The following ZNF718 variants were observed in gnomAD, a reference collection of about 807,000 sequenced individuals.
ZNF718 encodes zinc finger protein 718.
In ZNF718, 3 loss-of-function variants were observed where a neutral mutation model predicts 2.6. That is an observed-to-expected ratio of 1.16 (90% CI 0.53 to 3.01). The LOEUF is 3.01. Ranked by LOEUF, ZNF718 falls within the 30% of genes most tolerant of loss-of-function variation. The pLI, the probability that ZNF718 is intolerant of heterozygous loss-of-function variation, is 0.03. For missense variants in ZNF718, 468 were observed against 230.0 expected (o/e 2.03, Z -6.69); for synonymous variants, 135 against 77.9 (o/e 1.73, Z -3.86).
chr4:148,498 A>G (rs1464343535), intron 3 of ZNF718, among the ~76,000 whole-genome samples: 1 of 151,436 alleles, frequency 6.6e-6, no homozygotes, highest in African/African-American at 2.4e-5. Flanking sequence ...AATCCCGCTT[A>G]CTCAGGAGAC....
At chr4:189,863 AAGTTGTCACT>A (rs1474448304) in intron 3 of ZNF718, among the ~76,000 whole-genome samples, 1 of 152,148 alleles carries the variant, frequency 6.6e-6, no homozygotes, top group Non-Finnish European at 1.5e-5. Flanking sequence ...GCATCTATTT[AAGTTGTCACT>A]TTTTTCTATT....
chr4:162,050 A>C lies in ZNF718; in HGVS notation c.1365A>C (p.Glu455Asp), dbSNP rs782795632. 3.9e-6 allele frequency: 3 copies of C among 777,030 alleles called. No individual in the cohort carries two copies. Among genetic ancestry groups the C allele is most frequent in the Non-Finnish European group, 7.2e-6 (3 of 416,016 alleles). 48.1% of individuals were successfully genotyped at this position (777,030 alleles called of 1,614,324 possible). Residue 455 changes from glutamate (E) to aspartate (D), a missense_variant, in exon 4 of 4, where the codon GAA (glutamate) becomes GAC (aspartate). By Grantham distance (45) the Glu-to-Asp change is conservative. Transcript: ENST00000510175. ...HTVDKPYKCK[E>D]CGKAFKQYSN... ...TAGATAAACCCTACAAATGTAAAGA[A>C]TGCGGGAAAGCTTTTAAGCAGTACT...
intron 3 of ZNF718, among the ~76,000 whole-genome samples, chr4:184,479 T>G (rs1374486271): frequency 6.6e-6 from 1 of 152,128 alleles, no homozygotes; most frequent in Non-Finnish European, 1.5e-5. Context: ...CTTTTTTTGT[T>G]GTTGTATCTC....
chr4:182,555 T>C (rs1717489572), intron 3 of ZNF718, among the ~76,000 whole-genome samples: 1 of 152,058 alleles, frequency 6.6e-6, no homozygotes, highest in South Asian at 2.1e-4. Flanking sequence ...TGCCTTAGCC[T>C]TCTGAGTAGC....
chr4:176,852 T>A (rs1427166707), intron 3 of ZNF718, among the ~76,000 whole-genome samples: 4 of 152,226 alleles, frequency 2.6e-5, no homozygotes, highest in Admixed American at 2.6e-4. Flanking sequence ...GCAACTTTAG[T>A]GGCAGAATAT....
chr4:181,158 C>CCTTT (rs782776050), intron 3 of ZNF718, among the ~76,000 whole-genome samples: 1 of 51,086 alleles, frequency 2.0e-5, no homozygotes, highest in Admixed American at 2.6e-4. Context: ...CAGTGCCCAG[C>CCTTT]TTTTTTTTTT....
chr4:198,217 T>C (rs1717830265), intron 3 of ZNF718, among the ~76,000 whole-genome samples: 1 of 152,078 alleles, frequency 6.6e-6, no homozygotes. Context: ...ATAAAGTTGA[T>C]GTTGAAGCTC....
chr4:157,329 G>T (rs923599950), intron 3 of ZNF718, among the ~76,000 whole-genome samples: 3 of 151,796 alleles, frequency 2.0e-5, no homozygotes, highest in Non-Finnish European at 4.4e-5. Flanking sequence ...GGTCAGGCTG[G>T]TCTTGAGCTC....
At chr4:153,026 TAG>T (rs1553812916) in intron 3 of ZNF718, among the ~76,000 whole-genome samples, 4 of 144,516 alleles carry the variant, frequency 2.8e-5, no homozygotes, top group Admixed American at 7.3e-5. Context: ...TTATTTCAAA[TAG>T]CTTTATATGT....
chr4:153,587 ATTT>A (rs1716434643), intron 3 of ZNF718, among the ~76,000 whole-genome samples: 1 of 152,126 alleles, frequency 6.6e-6, no homozygotes, highest in South Asian at 2.1e-4. Flanking sequence ...ATGATTTATA[ATTT>A]TCAGTGTAGA....
exon 5 of ZNF718, chr4:201,992 A>G (rs1553822864): frequency 6.2e-6 from 1 of 161,812 alleles, no homozygotes; most frequent in Non-Finnish European, 1.4e-5. Context: ...TTGGATGCCT[A>G]GTGACATGCT....
At chr4:141,258 T>G (rs1715800425) in intron 3 of ZNF718, among the ~76,000 whole-genome samples, 1 of 152,188 alleles carries the variant, frequency 6.6e-6, no homozygotes, top group African/African-American at 2.4e-5. Context: ...AAAAAGGTTA[T>G]TCATAAAACA....
At chr4:143,056 G>A (rs192195659) in intron 3 of ZNF718, among the ~76,000 whole-genome samples, 144 of 152,278 alleles carry the variant, frequency 9.5e-4, no homozygotes, top group African/African-American at 3.3e-3. Context: ...TAAAAGAAAC[G>A]TGCAACCATG....
At chr4:155,109 G>A (rs1003974206) in intron 3 of ZNF718, among the ~76,000 whole-genome samples, 3 of 151,998 alleles carry the variant, frequency 2.0e-5, no homozygotes, top group Non-Finnish European at 2.9e-5. Context: ...AGTCAAAAGC[G>A]AGGTTTGGAA....
At chr4:154,216 C>G (rs981161979) in intron 3 of ZNF718, among the ~76,000 whole-genome samples, 1 of 152,154 alleles carries the variant, frequency 6.6e-6, no homozygotes, top group Non-Finnish European at 1.5e-5. Flanking sequence ...TCCATTAAAC[C>G]TCTTTTTCTT....
chr4:167,244 G>T (rs1327847462), downstream of ZNF718, among the ~76,000 whole-genome samples: 2 of 152,108 alleles, frequency 1.3e-5, no homozygotes, highest in African/African-American at 4.8e-5. Flanking sequence ...TGCTGTTTTG[G>T]TTACTCTAAC....
chr4:174,216 C>CCT (rs1717303707), intron 3 of ZNF718, among the ~76,000 whole-genome samples: 1 of 152,086 alleles, frequency 6.6e-6, no homozygotes, highest in Non-Finnish European at 1.5e-5. Flanking sequence ...TGTGTCTTTC[C>CCT]CTGTAACTTT....
At chr4:177,827 C>G (rs139013225) in intron 3 of ZNF718, among the ~76,000 whole-genome samples, 1 of 151,826 alleles carries the variant, frequency 6.6e-6, no homozygotes, top group East Asian at 1.9e-4. Flanking sequence ...CCCCTAAACT[C>G]AAAGATTTTT....
chr4:195,316 ACT>A (rs1368501802), intron 3 of ZNF718, among the ~76,000 whole-genome samples: 2 of 151,830 alleles, frequency 1.3e-5, no homozygotes, highest in Admixed American at 1.3e-4. Context: ...AATTCTCCTA[ACT>A]CTGCTTCCAT....
Sources: gnomAD v4.1 joint callset for allele counts (sites outside exome capture counted in the v4.1 genomes callset) on GRCh38, gnomAD v4.1.1 for gene constraint, MANE v1.5 for transcripts, NCBI Gene and HGNC (gene_info 2026-07-23, HGNC 2026-07-21) for gene names.